The following DKK2 variants were observed in gnomAD, a reference collection of about 807,000 sequenced individuals.
The protein encoded by DKK2 is dickkopf-related protein 2.
A neutral mutation model predicts 28.1 loss-of-function variants in DKK2; 11 were observed. The observed-to-expected ratio is 0.39, with a 90% confidence interval of 0.25 to 0.65. DKK2 has a LOEUF of 0.65. DKK2 is among the 30% of genes least tolerant of loss of function. The probability of loss-of-function intolerance (pLI) is 0.47; values close to 1 mark genes in which losing one functional copy is unlikely to be tolerated. For missense variants in DKK2, 326 were observed against 335.5 expected (o/e 0.97, Z 0.22); for synonymous variants, 135 against 126.5 (o/e 1.07, Z -0.45).
chr4:106,980,817 C>T (rs1207284434), intron 1 of DKK2, among the ~76,000 whole-genome samples: 2 of 152,090 alleles, frequency 1.3e-5, no homozygotes, highest in Non-Finnish European at 2.9e-5. Context: ...GCTATGAAGG[C>T]ACTTGGAGAA....
chr4:107,009,846 A>C lies in DKK2; in HGVS notation c.222+25524T>G, dbSNP rs1021568528. On this transcript the variant is annotated intron_variant, in intron 1 of 3. Coordinates refer to ENST00000285311, the MANE Select transcript of DKK2 (RefSeq NM_014421.3). ...CAATTTTAGGCTCTTTGGCTAACAG[A>C]GACTTTTCTTTAAATGAGTACTTGC... Among the ~76,000 whole-genome samples the C allele has an allele frequency of 5.9e-5, 9 of 151,926 alleles. 1 individual carries two copies. The highest frequency in any genetic ancestry group is 5.9e-4 in the Admixed American group (9 of 15,234).
intron 1 of DKK2, among the ~76,000 whole-genome samples, chr4:107,005,583 C>A (rs555419430): frequency 2.0e-5 from 3 of 152,016 alleles, no homozygotes; most frequent in African/African-American, 7.2e-5. Context: ...TTCTTTCTTC[C>A]TTGGGTGGTA....
intron 1 of DKK2, among the ~76,000 whole-genome samples, chr4:106,995,134 C>T (rs2110362989): frequency 6.6e-6 from 1 of 152,090 alleles, no homozygotes; most frequent in East Asian, 1.9e-4. Flanking sequence ...TTAAATATTA[C>T]ATTAAGATTA....
At chr4:106,981,787 C>G (rs1342231635) in intron 1 of DKK2, among the ~76,000 whole-genome samples, 1 of 152,042 alleles carries the variant, frequency 6.6e-6, no homozygotes, top group Non-Finnish European at 1.5e-5. Flanking sequence ...TCTTTTTTTA[C>G]CAACCATTTT....
At chr4:106,989,978 G>T (rs1316322462) in intron 1 of DKK2, among the ~76,000 whole-genome samples, 2 of 152,028 alleles carry the variant, frequency 1.3e-5, no homozygotes, top group African/African-American at 4.8e-5. Flanking sequence ...TATTTTAACA[G>T]AAATGAATAT....
intron 1 of DKK2, among the ~76,000 whole-genome samples, chr4:106,983,011 A>AG (rs1723048816): frequency 1.3e-5 from 2 of 150,980 alleles, no homozygotes; most frequent in African/African-American, 2.4e-5. Flanking sequence ...AGAAAAAGAG[A>AG]GAAAGGAAGG....
chr4:106,934,806 C>G (rs1489134456), intron 1 of DKK2, among the ~76,000 whole-genome samples: 1 of 152,138 alleles, frequency 6.6e-6, no homozygotes, highest in African/African-American at 2.4e-5. Flanking sequence ...AAAATATAAT[C>G]CTCGATATTC....
chr4:107,030,518 C>T (rs1182616563), intron 1 of DKK2, among the ~76,000 whole-genome samples: 1 of 151,882 alleles, frequency 6.6e-6, no homozygotes, highest in Non-Finnish European at 1.5e-5. Flanking sequence ...ATCACATAAA[C>T]CTTTTGAACA....
At chr4:107,015,318 C>T (rs751882332) in intron 1 of DKK2, among the ~76,000 whole-genome samples, 2 of 151,470 alleles carry the variant, frequency 1.3e-5, no homozygotes, top group Non-Finnish European at 3.0e-5. Context: ...GATCGAGGAC[C>T]TATACAAATA....
At chr4:106,994,307 T>C (rs1370199398) in intron 1 of DKK2, among the ~76,000 whole-genome samples, 2 of 152,174 alleles carry the variant, frequency 1.3e-5, no homozygotes, top group Admixed American at 1.3e-4. Context: ...GGCAAACACA[T>C]CTAAAGGTTT....
At chr4:106,979,090 A>T (rs1275630051) in intron 1 of DKK2, among the ~76,000 whole-genome samples, 1 of 151,310 alleles carries the variant, frequency 6.6e-6, no homozygotes, top group African/African-American at 2.4e-5. Flanking sequence ...TTTTTTTCAG[A>T]ATTTATAAAA....
chr4:107,030,113 A>C (rs78374251), intron 1 of DKK2, among the ~76,000 whole-genome samples: 4,057 of 152,176 alleles, frequency 0.027, 187 homozygotes, highest in African/African-American at 0.093. Flanking sequence ...ATTAAAAAAA[A>C]TTTAACAGGA....
chr4:106,982,583 G>A (rs77052475), intron 1 of DKK2, among the ~76,000 whole-genome samples: 3,439 of 152,184 alleles, frequency 0.023, 46 homozygotes, highest in Middle Eastern at 0.037. Flanking sequence ...TTCCAATTTA[G>A]GTATTTGGTA....
chr4:106,973,521 C>G (rs1379515651), intron 1 of DKK2, among the ~76,000 whole-genome samples: 2 of 152,184 alleles, frequency 1.3e-5, no homozygotes, highest in Non-Finnish European at 2.9e-5. Flanking sequence ...TTGTTGGCCA[C>G]ATAAATGTCT....
intron 1 of DKK2, among the ~76,000 whole-genome samples, chr4:106,982,451 G>A (rs1427621774): frequency 1.3e-5 from 2 of 152,104 alleles, no homozygotes; most frequent in East Asian, 3.9e-4. Context: ...GGTGAATCCG[G>A]GCTGCTAGTG....
intron 1 of DKK2, among the ~76,000 whole-genome samples, chr4:106,959,803 C>G (rs1370408899): frequency 6.6e-6 from 1 of 151,908 alleles, no homozygotes; most frequent in Non-Finnish European, 1.5e-5. Context: ...CCTTTCCTCC[C>G]TTGGGGTGTA....
At chr4:106,983,332 GA>G (rs1723059296) in intron 1 of DKK2, among the ~76,000 whole-genome samples, 1 of 119,720 alleles carries the variant, frequency 8.4e-6, no homozygotes, top group African/African-American at 3.0e-5. Flanking sequence ...AAGAAAGGAA[GA>G]AAGGAAGAAA....
At chr4:106,956,529 G>C (rs1380930158) in intron 1 of DKK2, among the ~76,000 whole-genome samples, 1 of 152,172 alleles carries the variant, frequency 6.6e-6, no homozygotes, top group East Asian at 1.9e-4. Flanking sequence ...AACCAAAACA[G>C]CATGGTATTG....
chr4:106,946,959 T>G (rs1386647424), intron 1 of DKK2, among the ~76,000 whole-genome samples: 1 of 152,070 alleles, frequency 6.6e-6, no homozygotes, highest in African/African-American at 2.4e-5. Context: ...GGCCTACTAA[T>G]GTAGGCATTT....
Sources: allele counts gnomAD v4.1 joint callset (sites outside exome capture counted in the v4.1 genomes callset), GRCh38; gene constraint gnomAD v4.1.1; transcripts MANE v1.5; gene names NCBI Gene and HGNC (gene_info 2026-07-23, HGNC 2026-07-21).